NBEA: variants seen among roughly 807,000 people sequenced by gnomAD.
The protein encoded by NBEA is lysosomal-trafficking regulator 2.
Under a neutral mutation model 343.4 loss-of-function variants are expected in NBEA, and 44 were observed. That is an observed-to-expected ratio of 0.13 (90% confidence interval 0.10 to 0.16). The LOEUF (loss-of-function observed/expected upper bound fraction) is 0.16, where lower values mean the gene tolerates loss of function less well. NBEA is among the 10% of genes least tolerant of loss of function. The probability of loss-of-function intolerance (pLI) is 1.00; values close to 1 mark genes in which losing one functional copy is unlikely to be tolerated. For synonymous variants in NBEA, 1,175 were observed against 1,238.7 expected (o/e 0.95, Z 1.08); for missense variants, 2,555 against 3,631.3 (o/e 0.70, Z 7.62).
rs2066171468 is a variant in NBEA at position 35,110,949 on chromosome 13, A to G, written c.1973A>G (p.Asp658Gly). 6.2e-7 allele frequency: 1 copy of G among 1,611,142 alleles called. No individual in the cohort carries two copies. The highest frequency in any genetic ancestry group is 1.7e-5 in the Admixed American group (1 of 59,926). Residue 658 changes from aspartate (D) to glycine (G), a missense_variant, in exon 13 of 59, where the codon GAC becomes GGC. Physicochemically the swap from Asp to Gly is moderately conservative, Grantham distance 94 (BLOSUM62 -1). Around this residue, in one of 21 missense-constraint regions of NBEA, gnomAD observed 360 missense variants for 519.1 expected, o/e 0.69. Transcript: ENST00000379939. ...KYYYWVINPA[D>G]SSGITPKGLD... is the part of the protein sequence containing the mutation. ...TACTACTGGGTTATTAATCCTGCTGACAGTAGTGGCATTACACCTAAAGGA... is the reference window on the plus strand; with the variant it reads ...TACTACTGGGTTATTAATCCTGCTGGCAGTAGTGGCATTACACCTAAAGGA...
chr13:34,942,528 C>T lies in NBEA; in HGVS notation c.-293C>T, dbSNP rs1366722404. ...AGGGAGAGAGCAGAGGCAGCGGCGG[C>T]GGCAGCGGCAGCGGCAGCGGCACAC... On this transcript the variant is annotated 5_prime_UTR_variant, in exon 1 of 59. Coordinates refer to ENST00000379939, the MANE Select transcript of NBEA (RefSeq NM_001385012.1). The T allele has an allele frequency of 4.0e-5, 7 of 175,446 alleles. No homozygotes were observed. Among genetic ancestry groups the T allele is most frequent in the Admixed American group, 2.2e-4 (3 of 13,562 alleles). 10.9% of individuals were successfully genotyped at this position (175,446 alleles called of 1,614,324 possible). A position where few individuals can be genotyped will look rare whatever the true frequency, so the allele number is the denominator to read the frequency against.
At chr13:35,666,753 C>CA (rs889646423) in intron 56 of NBEA, among the ~76,000 whole-genome samples, 9 of 152,064 alleles carry the variant, frequency 5.9e-5, no homozygotes, top group African/African-American at 1.2e-4. Flanking sequence ...TTTATAAGGG[C>CA]AAAAAAACCC....
chr13:35,510,087 C>T (rs2077218580), intron 41 of NBEA, among the ~76,000 whole-genome samples: 1 of 152,122 alleles, frequency 6.6e-6, no homozygotes, highest in African/African-American at 2.4e-5. Flanking sequence ...TCTCAACATA[C>T]TTTTGAAAAC....
At chr13:35,593,155 G>A (rs138365078) in intron 46 of NBEA, 173 bp from the exon 47 acceptor site, 6,417 of 512,570 alleles carry the variant, frequency 0.013, 65 homozygotes, top group Admixed American at 0.018. Context: ...CTGCTGCCTT[G>A]GCCTAGTCAA....
intron 1 of NBEA, among the ~76,000 whole-genome samples, chr13:34,950,076 A>T (rs2059303641): frequency 6.6e-6 from 1 of 151,894 alleles, no homozygotes; most frequent in African/African-American, 2.4e-5. Flanking sequence ...TCTTTTAGGG[A>T]GTCATTCTTG....
chr13:35,248,130 G>T (rs1196346069), intron 34 of NBEA, among the ~76,000 whole-genome samples: 1 of 152,096 alleles, frequency 6.6e-6, no homozygotes, highest in Non-Finnish European at 1.5e-5. Flanking sequence ...GCATTGCCCT[G>T]ATATTGAAAC....
chr13:35,429,458 C>CT (rs35988326), intron 38 of NBEA, among the ~76,000 whole-genome samples: 2 of 151,908 alleles, frequency 1.3e-5, no homozygotes, highest in African/African-American at 4.8e-5. Flanking sequence ...TTTGCTGGGG[C>CT]TTTTTGTTTG....
chr13:35,271,972 C>T (rs1043803967), intron 34 of NBEA, among the ~76,000 whole-genome samples: 4 of 152,152 alleles, frequency 2.6e-5, no homozygotes, highest in African/African-American at 9.7e-5. Flanking sequence ...CCTAGCAAGA[C>T]AGGCCAACAT....
At chr13:35,667,636 T>A in intron 57 of NBEA, 66 bp downstream of exon 57, 1 of 1,375,528 alleles carries the variant, frequency 7.3e-7, no homozygotes, top group Non-Finnish European at 1.0e-6. Flanking sequence ...TTGTTTTACA[T>A]TAAATAATTC....
chr13:34,994,985 A>G (rs2060889349), intron 1 of NBEA, among the ~76,000 whole-genome samples: 1 of 152,226 alleles, frequency 6.6e-6, no homozygotes, highest in Admixed American at 6.5e-5. Context: ...CTGGAAATGA[A>G]TGCACACATT....
chr13:35,057,178 A>G (rs2063300206), intron 7 of NBEA, among the ~76,000 whole-genome samples: 1 of 152,150 alleles, frequency 6.6e-6, no homozygotes, highest in Non-Finnish European at 1.5e-5. Flanking sequence ...CTGGTTTTAT[A>G]AGAACTTACC....
At chr13:35,352,979 G>T (rs1443908465) in intron 38 of NBEA, among the ~76,000 whole-genome samples, 1 of 152,048 alleles carries the variant, frequency 6.6e-6, no homozygotes, top group Non-Finnish European at 1.5e-5. Context: ...AGTGAAACAG[G>T]TCACTATATT....
At chr13:35,622,948 G>C (rs2083060615) in intron 48 of NBEA, among the ~76,000 whole-genome samples, 1 of 151,938 alleles carries the variant, frequency 6.6e-6, no homozygotes, top group Non-Finnish European at 1.5e-5. Flanking sequence ...CAATACTCAT[G>C]GGAGAAAATA....
intron 44 of NBEA, among the ~76,000 whole-genome samples, chr13:35,555,916 T>C (rs887730159): frequency 6.6e-6 from 1 of 152,182 alleles, no homozygotes; most frequent in East Asian, 1.9e-4. Flanking sequence ...ACTTTAAAAA[T>C]ATAACTATGT....
At chr13:34,964,889 T>C (rs1466134979) in intron 1 of NBEA, among the ~76,000 whole-genome samples, 3 of 152,046 alleles carry the variant, frequency 2.0e-5, no homozygotes, top group Non-Finnish European at 4.4e-5. Context: ...AGGATTATTG[T>C]GGTGACTATC....
chr13:34,980,477 TTTA>T, intron 1 of NBEA, among the ~76,000 whole-genome samples: 1 of 150,938 alleles, frequency 6.6e-6, no homozygotes, highest in South Asian at 2.1e-4. Flanking sequence ...TATTTATTTA[TTTA>T]TTTAAATGCT....
chr13:35,479,794 T>C (rs754520164), intron 41 of NBEA, among the ~76,000 whole-genome samples: 1 of 152,118 alleles, frequency 6.6e-6, no homozygotes, highest in Non-Finnish European at 1.5e-5. Context: ...TAGAATAAAA[T>C]TGTGTGTGTG....
At chr13:35,247,540 A>G (rs1317551856) in intron 34 of NBEA, among the ~76,000 whole-genome samples, 1 of 151,936 alleles carries the variant, frequency 6.6e-6, no homozygotes, top group Non-Finnish European at 1.5e-5. Context: ...TTTTCCAGTG[A>G]TCTAGACCCT....
At chr13:35,428,453 G>C (rs1475006364) in intron 38 of NBEA, among the ~76,000 whole-genome samples, 11 of 152,068 alleles carry the variant, frequency 7.2e-5, no homozygotes, top group African/African-American at 2.7e-4. Context: ...CTATTATCCT[G>C]TCTTCCAATT....
Sources: allele counts gnomAD v4.1 joint callset (sites outside exome capture counted in the v4.1 genomes callset), GRCh38; gene constraint gnomAD v4.1.1; regional missense constraint gnomAD v4.1.1; transcripts MANE v1.5; gene names NCBI Gene and HGNC (gene_info 2026-07-23, HGNC 2026-07-21).